Variants in ASB12 observed in about 807,000 individuals in gnomAD.
The protein encoded by ASB12 is ankyrin repeat and SOCS box protein 12.
In ASB12, 17 loss-of-function variants were observed where a neutral mutation model predicts 13.7. The ratio of observed to expected loss-of-function variants is 1.24; its 90% CI spans 0.85 to 1.86. ASB12 has a LOEUF of 1.86. ASB12 is among the 40% of genes most tolerant of loss of function. The probability of loss-of-function intolerance (pLI) is 0.00; values close to 1 mark genes in which losing one functional copy is unlikely to be tolerated. For missense variants in ASB12, 329 were observed against 250.5 expected (o/e 1.31, Z -2.11); for synonymous variants, 107 against 99.8 (o/e 1.07, Z -0.43).
Position 64,225,300 on chromosome X carries a change from G to A in ASB12, c.351C>T (p.Gly117=). ...QTPLFTAVSH[G]HLDCVRVLLE... is the part of the protein sequence containing the mutation. ...AAAGCACACGTACACAGTCCAGATGGCCATGACTGACAGCAGTGAAAAGTG... is the reference window on the plus strand; with the variant it reads ...AAAGCACACGTACACAGTCCAGATGACCATGACTGACAGCAGTGAAAAGTG... Residue 117 remains glycine (G), a synonymous_variant, in exon 2 of 3, where the codon GGC becomes GGT. Transcript: ENST00000362002. The A allele has an allele frequency of 3.3e-6, 4 of 1,210,234 alleles. No homozygotes were observed. The highest frequency in any genetic ancestry group is 4.5e-6 in the Non-Finnish European group (4 of 894,889).
At chrX:64,226,670 C>A in intron 1 of ASB12, 1 of 734,953 alleles carries the variant, frequency 1.4e-6, no homozygotes, top group Non-Finnish European at 1.6e-6. Context: ...CCTACAAAAC[C>A]ACTCATGGCT....
chrX:64,225,237 G>T lies in ASB12; in HGVS notation c.414C>A (p.Asn138Lys), dbSNP rs767313577. The T allele has an allele frequency of 8.3e-7, 1 of 1,209,608 alleles. No homozygotes were observed. The highest frequency in any genetic ancestry group is 1.1e-6 in the Non-Finnish European group (1 of 895,129). ...CAGCTGTGAGCACGGGAGAACAGTT[G>T]TTGTAGATGCTACCACCAGGAGAGG... Reference protein sequence around the residue: ...AGASPGGSIYNNCSPVLTAAR... With the variant: ...AGASPGGSIYKNCSPVLTAAR... Residue 138 changes from asparagine to lysine, a missense_variant, in exon 2 of 3, where the codon AAC becomes AAA. Transcript: ENST00000362002.
intron 1 of ASB12, among the ~76,000 whole-genome samples, chrX:64,229,144 T>C (rs1326000303): frequency 8.9e-6 from 1 of 111,954 alleles, no homozygotes; most frequent in Non-Finnish European, 1.9e-5. Context: ...TCCAGGGTCT[T>C]CGGTAATGGA....
In ASB12 at chrX:64,224,417, A is replaced by G; in HGVS notation, c.875T>C (p.Leu292Ser). 2 of 1,210,157 alleles carry G rather than the reference A, an allele frequency of 1.7e-6. No homozygotes were observed. Among genetic ancestry groups the G allele is most frequent in the Non-Finnish European group, 2.2e-6 (2 of 894,227 alleles). ...GGCTTGTGGCTGGCCAGCCTGGCAC[A>G]AGGCTCTGCGGACGACTAAACGGAC... ...SQVRLVVRRA[L>S]CQAGQPQAIN... is the part of the protein sequence containing the mutation. The change falls in exon 3 of 3, where the codon TTG becomes TCG. Residue 292 changes from leucine (L) to serine (S), a missense_variant. Physicochemically the swap from Leu to Ser is moderately radical, Grantham distance 145 (BLOSUM62 -2). Coordinates refer to ENST00000362002, the MANE Select transcript of ASB12 (RefSeq NM_130388.4).
At chrX:64,226,197 T>A (rs750875779) in intron 1 of ASB12, among the ~76,000 whole-genome samples, 1 of 112,328 alleles carries the variant, frequency 8.9e-6, no homozygotes, top group East Asian at 2.8e-4. Context: ...TACTTTGTGG[T>A]GTCAAGTTGC....
Position 64,225,153 on chromosome X carries a change from G to A in ASB12, c.498C>T (p.Asn166=), listed in dbSNP as rs147025022. The change falls in exon 2 of 3, where the codon AAC becomes AAT. Residue 166 remains asparagine, a synonymous_variant. Coordinates refer to ENST00000362002, the MANE Select transcript of ASB12 (RefSeq NM_130388.4). ...QELLDHGAEA[N]VKAKLPVWAS... Reference sequence around the variant, plus strand: ...CCCAGACTGGTAGTTTAGCTTTGACGTTGGCCTCTGCACCATGGTCTAGGA... The same window carrying A: ...CCCAGACTGGTAGTTTAGCTTTGACATTGGCCTCTGCACCATGGTCTAGGA... The A allele has an allele frequency of 2.7e-4, 329 of 1,209,401 alleles. 1 individual carries two copies. Among genetic ancestry groups the A allele is most frequent in the South Asian group, 9.2e-4 (52 of 56,659 alleles).
At chrX:64,226,817 G>A in intron 1 of ASB12, 1 of 666,023 alleles carries the variant, frequency 1.5e-6, no homozygotes, top group East Asian at 1.6e-4. Flanking sequence ...ATACCCTGCA[G>A]CTGAGGTCTC....
At chrX:64,226,828 A>T in intron 1 of ASB12, 4 of 577,415 alleles carry the variant, frequency 6.9e-6, no homozygotes, top group South Asian at 9.1e-5. Flanking sequence ...CTGAGGTCTC[A>T]GGACCTCATA....
rs139142874 is a variant in ASB12 at position 64,225,559 on chromosome X, G to A, written c.92C>T (p.Thr31Ile). ...GAGAGCCTGCTTCTCCTCTGTGTCA[G>A]TGTCCTCCTCCTCCTTGTCGGGCTG... ...LLQPDKEEED[T>I]DTEEKQALNQ... is the part of the protein sequence containing the mutation. The change falls in exon 2 of 3, where the codon ACT becomes ATT. Residue 31 changes from threonine to isoleucine, a missense_variant. Physicochemically the swap from Thr to Ile is moderately conservative, Grantham distance 89 (BLOSUM62 -1). Coordinates refer to ENST00000362002, the MANE Select transcript of ASB12 (RefSeq NM_130388.4). 221 of 1,206,838 alleles carry A rather than the reference G, an allele frequency of 1.8e-4. 1 individual carries two copies. In the African/African-American group the frequency reaches 3.7e-3, roughly 20 times the overall value.
chrX:64,224,611 C>T, intron 2 of ASB12, 143 bp from the exon 3 acceptor site: 1 of 860,516 alleles, frequency 1.2e-6, no homozygotes, highest in South Asian at 2.7e-5. Flanking sequence ...GAGCCAGAAC[C>T]AGAAATTGGG....
rs893661546 is a variant in ASB12, at chrX:64,224,583, A to C, written c.824-115T>G. 3.2e-6 allele frequency: 3 copies of C among 933,341 alleles called. No homozygotes were observed. In the Admixed American group the frequency reaches 9.8e-5, roughly 30 times the overall value. The allele number at this position is 933,341 out of a possible 1,213,427, so 76.9% of individuals were successfully genotyped here. The stretch of plus-strand genomic sequence containing the variant: ...CCCTAATGCTCTATCCTTTCCAAGA[A>C]ATAAACAGTCATTGGCAGAGCCAGA... On this transcript the variant is annotated intron_variant, in intron 2 of 2. Transcript: ENST00000362002.
intron 1 of ASB12, among the ~76,000 whole-genome samples, chrX:64,228,111 C>T (rs1434040379): frequency 8.9e-6 from 1 of 112,286 alleles, no homozygotes; most frequent in Non-Finnish European, 1.9e-5. Context: ...CTTAATGGCT[C>T]CCCTTTCTTT....
Position 64,225,639 on chromosome X carries a change from A to G in ASB12, c.12T>C (p.Val4=). 8.4e-7 allele frequency: 1 copy of G among 1,185,625 alleles called. No homozygotes were observed. Residue 4 remains valine, a synonymous_variant, in exon 2 of 3, where the codon GTT becomes GTC. Transcript: ENST00000362002. MRI[V]LQLAKMNLMD... is the part of the protein sequence containing the mutation. Reference sequence around the variant, plus strand: ...TGAGGTTCATCTTGGCTAATTGGAGAACTATTCTCATTATGAGCACAAGGA... The same window carrying G: ...TGAGGTTCATCTTGGCTAATTGGAGGACTATTCTCATTATGAGCACAAGGA...
intron 1 of ASB12, among the ~76,000 whole-genome samples, chrX:64,228,243 G>C (rs975936051): frequency 2.7e-5 from 3 of 112,168 alleles, no homozygotes; most frequent in African/African-American, 9.7e-5. Flanking sequence ...AGTGACAAGA[G>C]ACAAAAAGTG....
Position 64,225,666 on chromosome X carries a change from A to T in ASB12, c.-16T>A. ...CTATTCTCATTATGAGCACAAGGAA[A>T]TGCCAGATCTGTGGGTGACAAACAA... On this transcript the variant is annotated 5_prime_UTR_variant, in exon 2 of 3. Coordinates refer to ENST00000362002, the MANE Select transcript of ASB12 (RefSeq NM_130388.4). The T allele has an allele frequency of 8.6e-7, 1 of 1,168,220 alleles. No individual in the cohort carries two copies. The highest frequency in any genetic ancestry group is 1.1e-6 in the Non-Finnish European group (1 of 873,336).
Position 64,225,448 on chromosome X carries a change from C to T in ASB12, c.203G>A (p.Ser68Asn). Residue 68 changes from serine (S) to asparagine (N), a missense_variant, in exon 2 of 3, where the codon AGT (serine) becomes AAT (asparagine). Coordinates refer to ENST00000362002, the MANE Select transcript of ASB12 (RefSeq NM_130388.4). ...GGGTGTCCCAGGAACACCCCAGCCACTCCTGCTGTTGATGAAACGTTTGTA... is the reference window on the plus strand; with the variant it reads ...GGGTGTCCCAGGAACACCCCAGCCATTCCTGCTGTTGATGAAACGTTTGTA... ...ERYKRFINSR[S>N]GWGVPGTPLR... 1.7e-6 allele frequency: 2 copies of T among 1,211,223 alleles called. No homozygotes were observed. Among genetic ancestry groups the T allele is most frequent in the Non-Finnish European group, 2.2e-6 (2 of 895,289 alleles).
chrX:64,226,252 A>G (rs1430870113), intron 1 of ASB12, among the ~76,000 whole-genome samples: 2 of 111,856 alleles, frequency 1.8e-5, no homozygotes, highest in Non-Finnish European at 3.8e-5. Flanking sequence ...CAAGCCCTTA[A>G]CTCCATTTTC....
chrX:64,227,614 C>G (rs1602083379), intron 1 of ASB12, among the ~76,000 whole-genome samples: 1 of 111,715 alleles, frequency 9.0e-6, no homozygotes, highest in East Asian at 2.8e-4. Flanking sequence ...TCTCCAACCT[C>G]TTCTCTCCAG....
chrX:64,229,578 C>G (rs1435780657), intron 1 of ASB12, among the ~76,000 whole-genome samples: 1 of 111,681 alleles, frequency 9.0e-6, no homozygotes, highest in Non-Finnish European at 1.9e-5. Flanking sequence ...TCTGTAAACA[C>G]CTTTCAGAAT....
Sources: gnomAD v4.1 joint callset for allele counts (sites outside exome capture counted in the v4.1 genomes callset) on GRCh38, gnomAD v4.1.1 for gene constraint, MANE v1.5 for transcripts, NCBI Gene and HGNC (gene_info 2026-07-23, HGNC 2026-07-21) for gene names.